GALNT13: variants seen among roughly 807,000 people sequenced by gnomAD.
GALNT13 encodes UDP-GalNAc:polypeptide N-acetylgalactosaminyltransferase 13.
Under a neutral mutation model 64.2 loss-of-function variants are expected in GALNT13, and 28 were observed. That is an observed-to-expected ratio of 0.44 (90% CI 0.32 to 0.60). The LOEUF (loss-of-function observed/expected upper bound fraction) is 0.60, where lower values mean the gene tolerates loss of function less well. Ranked by LOEUF, GALNT13 falls within the 20% of genes least tolerant of loss-of-function variation. The probability of loss-of-function intolerance (pLI) is 0.05; values close to 1 mark genes in which losing one functional copy is unlikely to be tolerated. For missense variants in GALNT13, 577 were observed against 669.8 expected (o/e 0.86, Z 1.53); for synonymous variants, 214 against 224.6 (o/e 0.95, Z 0.42).
At chr2:153,917,036 T>C (rs543690745) in intron 2 of GALNT13, among the ~76,000 whole-genome samples, 1 of 152,308 alleles carries the variant, frequency 6.6e-6, no homozygotes, top group African/African-American at 2.4e-5. Flanking sequence ...TATACACCTC[T>C]GGGCCTCAGT....
At chr2:153,441,021 C>T in the GALNT13 span, among the ~76,000 whole-genome samples, 1 of 152,024 alleles carries the variant, frequency 6.6e-6, no homozygotes, top group African/African-American at 2.4e-5. Context: ...AAGTCTTTGT[C>T]CATGGCCATG....
intron 2 of GALNT13, among the ~76,000 whole-genome samples, chr2:153,927,501 G>A (rs765893261): frequency 2.0e-4 from 31 of 151,652 alleles, no homozygotes; most frequent in Non-Finnish European, 3.8e-4. Context: ...TTCTATTAAT[G>A]GATTATACAC....
the GALNT13 span, among the ~76,000 whole-genome samples, chr2:153,221,632 T>C: frequency 6.6e-6 from 1 of 152,148 alleles, no homozygotes; most frequent in Non-Finnish European, 1.5e-5. Context: ...AGGCTGCCCT[T>C]GGTTCTCACT....
At chr2:153,223,723 C>G in the GALNT13 span, among the ~76,000 whole-genome samples, 1 of 152,094 alleles carries the variant, frequency 6.6e-6, no homozygotes, top group African/African-American at 2.4e-5. Context: ...CTTTGGGAGG[C>G]TGAAGCTGGG....
chr2:153,932,250 T>C (rs1425592201), intron 2 of GALNT13, among the ~76,000 whole-genome samples: 1 of 152,056 alleles, frequency 6.6e-6, no homozygotes, highest in Non-Finnish European at 1.5e-5. Flanking sequence ...TTGGCTTCAT[T>C]GATCTCTTCT....
chr2:153,293,719 G>A, the GALNT13 span, among the ~76,000 whole-genome samples: 14 of 152,054 alleles, frequency 9.2e-5, 1 homozygote, highest in Admixed American at 8.5e-4. Context: ...CATATTGAGG[G>A]ATCAGTAACT....
chr2:154,319,422 T>C (rs1694502036), intron 9 of GALNT13, among the ~76,000 whole-genome samples: 1 of 152,138 alleles, frequency 6.6e-6, no homozygotes, highest in African/African-American at 2.4e-5. Context: ...TCCCAGCATT[T>C]TGGGAGGCCG....
chr2:153,422,061 TG>T, the GALNT13 span: 2 of 152,128 alleles, frequency 1.3e-5, no homozygotes, highest in Non-Finnish European at 2.9e-5. Flanking sequence ...ATTTGGAAAT[TG>T]TTTTTTAAAA....
downstream of GALNT13, among the ~76,000 whole-genome samples, chr2:154,456,312 G>A (rs1471803068): frequency 6.6e-6 from 1 of 151,868 alleles, no homozygotes; most frequent in African/African-American, 2.4e-5. Context: ...AGTAGATTGT[G>A]CATAATGACA....
the GALNT13 span, among the ~76,000 whole-genome samples, chr2:153,355,583 G>T: frequency 2.6e-4 from 40 of 152,304 alleles, no homozygotes; most frequent in South Asian, 4.1e-3. Flanking sequence ...TGGATCAAAA[G>T]TGTGATGGTT....
At chr2:153,945,510 T>C (rs996388132) in intron 3 of GALNT13, among the ~76,000 whole-genome samples, 5 of 152,278 alleles carry the variant, frequency 3.3e-5, no homozygotes, top group South Asian at 2.1e-4. Flanking sequence ...CAAGCTTCAA[T>C]TGAAGTATCA....
intron 11 of GALNT13, among the ~76,000 whole-genome samples, chr2:154,425,116 G>C (rs1405343836): frequency 6.6e-6 from 1 of 151,936 alleles, no homozygotes; most frequent in Non-Finnish European, 1.5e-5. Context: ...ATTATAATTT[G>C]GCTTTTCAGA....
chr2:153,685,330 A>G, the GALNT13 span, among the ~76,000 whole-genome samples: 2 of 151,752 alleles, frequency 1.3e-5, no homozygotes, highest in Non-Finnish European at 2.9e-5. Flanking sequence ...AGCATCTGCT[A>G]TCTTTTGACT....
At chr2:153,799,614 G>A in the GALNT13 span, among the ~76,000 whole-genome samples, 1 of 152,084 alleles carries the variant, frequency 6.6e-6, no homozygotes, top group Non-Finnish European at 1.5e-5. Context: ...ACTATAGTCA[G>A]TTATATTATT....
the GALNT13 span, among the ~76,000 whole-genome samples, chr2:153,202,085 C>T: frequency 1.3e-5 from 2 of 150,692 alleles, no homozygotes; most frequent in African/African-American, 4.9e-5. Flanking sequence ...CCCGGGTTCA[C>T]GCCATTCTCC....
At chr2:153,163,442 A>G in the GALNT13 span, among the ~76,000 whole-genome samples, 5 of 152,156 alleles carry the variant, frequency 3.3e-5, no homozygotes, top group African/African-American at 1.2e-4. Flanking sequence ...AATTTGTCTA[A>G]TCATATTTTG....
intron 9 of GALNT13, among the ~76,000 whole-genome samples, chr2:154,306,120 A>G (rs1574059077): frequency 6.6e-6 from 1 of 151,998 alleles, no homozygotes; most frequent in East Asian, 1.9e-4. Flanking sequence ...AGAGAGGTGA[A>G]GGGTCTTCCT....
chr2:154,171,622 C>G (rs1436628381), intron 4 of GALNT13, among the ~76,000 whole-genome samples: 3 of 152,038 alleles, frequency 2.0e-5, no homozygotes, highest in Admixed American at 2.0e-4. Context: ...GATTTGTCTG[C>G]TTTGGAACAC....
At chr2:153,664,535 T>A in the GALNT13 span, among the ~76,000 whole-genome samples, 2 of 152,062 alleles carry the variant, frequency 1.3e-5, no homozygotes, top group Non-Finnish European at 2.9e-5. Flanking sequence ...GCAACATACA[T>A]CCTCAGCTTA....
Sources: allele counts gnomAD v4.1 joint callset (sites outside exome capture counted in the v4.1 genomes callset), GRCh38; gene constraint gnomAD v4.1.1; transcripts MANE v1.5; gene names NCBI Gene and HGNC (gene_info 2026-07-23, HGNC 2026-07-21).